OTUD7A: variants seen among roughly 807,000 people sequenced by gnomAD.
OTUD7A encodes the protein OTU domain-containing protein 7A.
In OTUD7A, 12 loss-of-function variants were observed where a neutral mutation model predicts 65.7. The ratio of observed to expected loss-of-function variants is 0.18; its 90% CI spans 0.12 to 0.30. The LOEUF (loss-of-function observed/expected upper bound fraction) is 0.30. OTUD7A is among the 10% of genes least tolerant of loss of function. OTUD7A has a pLI of 1.00. For missense variants in OTUD7A, 1,148 were observed against 1,304.8 expected, an observed-to-expected ratio of 0.88 and a Z score of 1.85; for synonymous variants, 641 against 586.3, an observed-to-expected ratio of 1.09 and a Z score of -1.35.
intron 1 of OTUD7A, among the ~76,000 whole-genome samples, chr15:31,745,679 A>G (rs1226098730): frequency 1.3e-5 from 2 of 152,170 alleles, no homozygotes; most frequent in Non-Finnish European, 2.9e-5. Flanking sequence ...GAAAAAAATG[A>G]ACATGTTAGA....
intron 3 of OTUD7A, among the ~76,000 whole-genome samples, chr15:31,618,082 T>C (rs953930609): frequency 9.9e-5 from 15 of 152,160 alleles, no homozygotes; most frequent in Non-Finnish European, 1.9e-4. Context: ...TCCAGTTTCA[T>C]CCATGTCCCT....
In OTUD7A at chr15:31,480,539, C is replaced by CA. The variant is rs2041102095; in HGVS notation, c.*2754dup. The CA allele has an allele frequency of 6.6e-6, 1 of 152,310 alleles. No individual in the cohort carries two copies. Among genetic ancestry groups the CA allele is most frequent in the African/African-American group, 2.4e-5 (1 of 41,456 alleles). 9.4% of individuals were successfully genotyped at this position (152,310 alleles called of 1,614,324 possible). On this transcript the variant is annotated 3_prime_UTR_variant, in exon 13 of 13. Transcript: ENST00000307050. ...TTCTCCCTGCTCCACAAAGGGCCCT[C>CA]ACGCCATGGAACACGAGGGAAGCCC...
chr15:31,687,860 A>C lies in OTUD7A; in HGVS notation c.-99-30783T>G, dbSNP rs187020911. ...TGGATGAAAATCAGCCAGGGAAGAGAATGTTCACAGGGCTTCAAAGTTTGC... is the reference window on the plus strand; with the variant it reads ...TGGATGAAAATCAGCCAGGGAAGAGCATGTTCACAGGGCTTCAAAGTTTGC... On this transcript the variant is annotated intron_variant, in intron 1 of 12. Coordinates refer to ENST00000307050, the MANE Select transcript of OTUD7A (RefSeq NM_001382637.1). Among the ~76,000 whole-genome samples the C allele has an allele frequency of 1.2e-3, 183 of 152,328 alleles. 5 individuals carry two copies. Among genetic ancestry groups the C allele is most frequent in the African/African-American group, 4.2e-3 (176 of 41,576 alleles).
chr15:31,828,923 T>C (rs985983876), intron 1 of OTUD7A, among the ~76,000 whole-genome samples: 3 of 152,164 alleles, frequency 2.0e-5, no homozygotes, highest in Admixed American at 6.5e-5. Context: ...CCTTCTTCAT[T>C]GCTGTGCCTC....
At chr15:31,535,674 G>GTTTTTTTTTT in intron 5 of OTUD7A, among the ~76,000 whole-genome samples, 1 of 111,998 alleles carries the variant, frequency 8.9e-6, no homozygotes, top group Non-Finnish European at 1.8e-5. Context: ...TTCTGTTTTT[G>GTTTTTTTTTT]TTTTTTTTTT....
At chr15:31,762,339 C>G (rs553680938) in intron 1 of OTUD7A, among the ~76,000 whole-genome samples, 1 of 152,258 alleles carries the variant, frequency 6.6e-6, no homozygotes, top group South Asian at 2.1e-4. Flanking sequence ...CTTTTTTTCT[C>G]TGTCCTCCCA....
chr15:31,826,190 T>TA (rs1428344134), intron 1 of OTUD7A, among the ~76,000 whole-genome samples: 2 of 152,242 alleles, frequency 1.3e-5, no homozygotes, highest in Admixed American at 1.3e-4. Flanking sequence ...TGCACTGCCC[T>TA]AGCAGAAGTT....
intron 1 of OTUD7A, among the ~76,000 whole-genome samples, chr15:31,823,920 G>A (rs1896743224): frequency 6.6e-6 from 1 of 152,174 alleles, no homozygotes; most frequent in Non-Finnish European, 1.5e-5. Context: ...ACTGTCATAT[G>A]TCATTAACCT....
intron 1 of OTUD7A, among the ~76,000 whole-genome samples, chr15:31,834,620 G>C (rs777858877): frequency 6.6e-6 from 1 of 152,186 alleles, no homozygotes; most frequent in African/African-American, 2.4e-5. Context: ...GGTGTTGACA[G>C]AGAAGTTCTA....
intron 1 of OTUD7A, among the ~76,000 whole-genome samples, chr15:31,717,028 C>T (rs1338202858): frequency 6.6e-6 from 1 of 152,190 alleles, no homozygotes; most frequent in African/African-American, 2.4e-5. Context: ...ACAACTAGAT[C>T]CCCTCAAAGG....
rs140728111 is a variant in OTUD7A, at chr15:31,487,227, G to C, written c.1338C>G (p.Asn446Lys). The change falls in exon 12 of 13, where the codon AAC becomes AAG. Residue 446 changes from asparagine (N) to lysine (K), a missense_variant. Physicochemically the swap from Asn to Lys is moderately conservative, Grantham distance 94. Around this residue, in one of 6 missense-constraint regions of OTUD7A, gnomAD observed 842 missense variants for 769.5 expected, o/e 1.09. Transcript: ENST00000307050. The surrounding 1 kb of genome is among the most constrained non-coding windows in gnomAD (Gnocchi z 6.0). ...AKLNLLHSYM[N>K]VTWIRIPSET... ...CGGAGGGGATCCGGATCCACGTCAC[G>C]TTCATGTAGCTGTGCAGAAGGTTCA... 22 of 1,613,946 alleles carry C rather than the reference G, an allele frequency of 1.4e-5. No homozygotes were observed. In the Admixed American group the frequency reaches 3.0e-4, roughly 22 times the overall value.
At chr15:31,613,948 C>T (rs1003433447) in intron 3 of OTUD7A, among the ~76,000 whole-genome samples, 2 of 152,026 alleles carry the variant, frequency 1.3e-5, no homozygotes, top group African/African-American at 4.8e-5. Flanking sequence ...TATATGTATA[C>T]ACAATGGAAT....
At chr15:31,793,987 C>A (rs113832156) in intron 1 of OTUD7A, among the ~76,000 whole-genome samples, 6,779 of 152,232 alleles carry the variant, frequency 0.045, 208 homozygotes, top group Non-Finnish European at 0.061. Flanking sequence ...ATTATTTTTG[C>A]CTTATAATTT....
intron 1 of OTUD7A, among the ~76,000 whole-genome samples, chr15:31,836,548 G>A (rs981032133): frequency 6.6e-5 from 10 of 152,234 alleles, no homozygotes; most frequent in African/African-American, 2.4e-4. Flanking sequence ...AGAGAGTACA[G>A]AAAGAGTACC....
intron 1 of OTUD7A, among the ~76,000 whole-genome samples, chr15:31,811,579 T>C (rs757674019): frequency 2.4e-4 from 37 of 152,098 alleles, no homozygotes; most frequent in Admixed American, 5.2e-4. Context: ...GCATTTGGCA[T>C]GTGTGGCTGG....
At chr15:31,663,447 C>T (rs1419884511) in intron 1 of OTUD7A, among the ~76,000 whole-genome samples, 1 of 147,610 alleles carries the variant, frequency 6.8e-6, no homozygotes, top group Non-Finnish European at 1.5e-5. Context: ...CCCCCACCCC[C>T]CGACAGGCCC....
chr15:31,851,843 GTTT>G (rs1411205465), intron 1 of OTUD7A, among the ~76,000 whole-genome samples: 1 of 152,096 alleles, frequency 6.6e-6, no homozygotes, highest in Non-Finnish European at 1.5e-5. Flanking sequence ...GCCATTTTGT[GTTT>G]TGTTTGTTTT....
chr15:31,661,431 A>G (rs529286707), intron 1 of OTUD7A, among the ~76,000 whole-genome samples: 1 of 148,282 alleles, frequency 6.7e-6, no homozygotes, highest in Admixed American at 6.8e-5. Context: ...TAGGCTAACA[A>G]GGAGAACACA....
intron 5 of OTUD7A, among the ~76,000 whole-genome samples, chr15:31,550,095 G>A (rs1888269817): frequency 8.4e-6 from 1 of 118,516 alleles, no homozygotes. Flanking sequence ...GGGAGACCCT[G>A]TCTCCAGGAA....
Sources: allele counts gnomAD v4.1 joint callset (sites outside exome capture counted in the v4.1 genomes callset), GRCh38; gene constraint gnomAD v4.1.1; regional missense constraint gnomAD v4.1.1; non-coding constraint Gnocchi (gnomAD v3.1); transcripts MANE v1.5; gene names NCBI Gene and HGNC (gene_info 2026-07-23, HGNC 2026-07-21).